The following CERS6 variants were observed in gnomAD, a reference collection of about 807,000 sequenced individuals.
The protein encoded by CERS6 is LAG1 homolog, ceramide synthase 6.
In CERS6, 26 loss-of-function variants were observed where a neutral mutation model predicts 56.8. That is an observed-to-expected ratio of 0.46 (90% CI 0.34 to 0.63). The LOEUF (loss-of-function observed/expected upper bound fraction) is 0.63. CERS6 is among the 30% of genes least tolerant of loss of function. The pLI is 0.01. For missense variants in CERS6, 415 were observed against 467.5 expected (o/e 0.89, Z 1.04); for synonymous variants, 164 against 173.3 (o/e 0.95, Z 0.42).
At chr2:168,738,683 A>T (rs1182284668) in intron 8 of CERS6, among the ~76,000 whole-genome samples, 1 of 152,200 alleles carries the variant, frequency 6.6e-6, no homozygotes, top group Non-Finnish European at 1.5e-5. Context: ...AGAAAATGTC[A>T]TGATTTTTTA....
chr2:168,735,871 A>G (rs1252446187), intron 8 of CERS6, among the ~76,000 whole-genome samples: 1 of 101,110 alleles, frequency 9.9e-6, no homozygotes, highest in African/African-American at 4.1e-5. Context: ...ACAGAAGGAG[A>G]CCCTGTCTCA....
chr2:168,622,934 T>C, intron 3 of CERS6, among the ~76,000 whole-genome samples: 1 of 152,242 alleles, frequency 6.6e-6, no homozygotes, highest in East Asian at 1.9e-4. Flanking sequence ...ATTTAGATTT[T>C]ATGTCAGAGT....
intron 8 of CERS6, among the ~76,000 whole-genome samples, chr2:168,729,423 A>G (rs1004828450): frequency 2.6e-5 from 4 of 152,120 alleles, no homozygotes; most frequent in Admixed American, 2.6e-4. Context: ...CTCACTTCCC[A>G]TCACCTCCCT....
At chr2:168,603,345 A>C (rs1683978710) in intron 3 of CERS6, among the ~76,000 whole-genome samples, 1 of 152,320 alleles carries the variant, frequency 6.6e-6, no homozygotes, top group Non-Finnish European at 1.5e-5. Context: ...TAAGTGAGGG[A>C]TCTGAAAGAG....
chr2:168,577,291 G>A (rs1433216021), intron 3 of CERS6, among the ~76,000 whole-genome samples: 1 of 152,176 alleles, frequency 6.6e-6, no homozygotes, highest in African/African-American at 2.4e-5. Flanking sequence ...GACATTCATC[G>A]TTGGCTGTGT....
chr2:168,642,479 G>A (rs879272103), intron 4 of CERS6, among the ~76,000 whole-genome samples: 3 of 152,188 alleles, frequency 2.0e-5, no homozygotes, highest in Admixed American at 2.0e-4. Flanking sequence ...GTGTGATCTG[G>A]TTAGTGAAGC....
rs375149776 is a variant in CERS6 at position 168,561,318 on chromosome 2, A to G, written c.403A>G (p.Ser135Gly). Reference protein sequence around the residue: ...KPSTLTRFCESMWRFSFYLYV... With the variant: ...KPSTLTRFCEGMWRFSFYLYV... ...AAGCACGCTGACGAGGTTCTGTGAGAGCATGTAAGTTGCTGTTTTTCTTTT... is the reference window on the plus strand; with the variant it reads ...AAGCACGCTGACGAGGTTCTGTGAGGGCATGTAAGTTGCTGTTTTTCTTTT... Residue 135 changes from serine (S) to glycine (G), a missense_variant, in exon 3 of 10, where the codon AGC becomes GGC. Ser to Gly is a moderately conservative substitution (Grantham distance 56). Transcript: ENST00000305747. 1.2e-6 allele frequency: 2 copies of G among 1,614,108 alleles called. No individual in the cohort carries two copies. The highest frequency in any genetic ancestry group is 2.2e-5 in the East Asian group (1 of 44,884).
intron 4 of CERS6, among the ~76,000 whole-genome samples, chr2:168,648,936 A>G (rs567426321): frequency 1.6e-4 from 24 of 152,274 alleles, no homozygotes; most frequent in South Asian, 1.2e-3. Context: ...AGTATGTGCT[A>G]TGTGATGATG....
chr2:168,548,409 A>G (rs1695505796), intron 2 of CERS6, among the ~76,000 whole-genome samples: 1 of 152,218 alleles, frequency 6.6e-6, no homozygotes, highest in Non-Finnish European at 1.5e-5. Context: ...GGGAGGAGAA[A>G]GCTGGAAGTC....
intron 2 of CERS6, among the ~76,000 whole-genome samples, chr2:168,559,445 G>T (rs970663812): frequency 6.6e-6 from 1 of 152,006 alleles, no homozygotes; most frequent in Non-Finnish European, 1.5e-5. Flanking sequence ...TCTTGGTGAA[G>T]GTCCTCTTCC....
intron 1 of CERS6, among the ~76,000 whole-genome samples, chr2:168,471,682 C>G (rs1319875178): frequency 6.6e-6 from 1 of 152,160 alleles, no homozygotes; most frequent in Non-Finnish European, 1.5e-5. Flanking sequence ...TTCCACTTGC[C>G]AGCCAATAAC....
chr2:168,516,668 A>G (rs1366808140), intron 1 of CERS6, among the ~76,000 whole-genome samples: 1 of 152,202 alleles, frequency 6.6e-6, no homozygotes, highest in Non-Finnish European at 1.5e-5. Flanking sequence ...CTGTTACGGT[A>G]AATATTCCCA....
intron 8 of CERS6, among the ~76,000 whole-genome samples, chr2:168,747,527 G>A (rs1684142667): frequency 1.3e-5 from 2 of 152,040 alleles, no homozygotes; most frequent in African/African-American, 4.8e-5. Context: ...TGACTTTGAA[G>A]GTAGAGAGTT....
Position 168,769,753 on chromosome 2 carries a change from C to A in CERS6, c.*91C>A. 7.4e-7 allele frequency: 1 copy of A among 1,349,310 alleles called. No homozygotes were observed. The highest frequency in any genetic ancestry group is 1.0e-6 in the Non-Finnish European group (1 of 962,702). The allele number at this position is 1,349,310 out of a possible 1,614,324, so 83.6% of individuals were successfully genotyped here. On this transcript the variant is annotated 3_prime_UTR_variant, in exon 10 of 10. Transcript: ENST00000305747. ...AAATGCAGTTCCTTTCATAATATCT[C>A]AGCACCAGAAACAAAAATTAAGATT... is the stretch of plus-strand genomic sequence containing the variant.
chr2:168,590,979 T>C (rs1236446633), intron 3 of CERS6, among the ~76,000 whole-genome samples: 1 of 152,362 alleles, frequency 6.6e-6, no homozygotes, highest in African/African-American at 2.4e-5. Context: ...TAACACCCCA[T>C]GTTAGTGCCA....
intron 3 of CERS6, among the ~76,000 whole-genome samples, chr2:168,607,197 C>G (rs937170531): frequency 6.6e-6 from 1 of 151,798 alleles, no homozygotes; most frequent in African/African-American, 2.4e-5. Context: ...CTTAGTTTTT[C>G]TTCTTGGTGC....
At position 168,754,482 on chromosome 2, in the gene CERS6, G is replaced by C. The variant is rs527781517; in HGVS notation, c.846-11110G>C. On this transcript the variant is annotated intron_variant, in intron 8 of 9. Coordinates refer to ENST00000305747, the MANE Select transcript of CERS6 (RefSeq NM_203463.3). ...GTCTCACAACCAGGCCTGCAGTGCA[G>C]ATGAGGTAAGGCCTACCTGAAGCTC... is the stretch of plus-strand genomic sequence containing the variant. Among the ~76,000 whole-genome samples the C allele has an allele frequency of 1.3e-3, 197 of 152,284 alleles. 1 individual carries two copies. The highest frequency in any genetic ancestry group is 4.5e-3 in the African/African-American group (186 of 41,552).
intron 3 of CERS6, among the ~76,000 whole-genome samples, chr2:168,602,903 G>T (rs1336935430): frequency 6.6e-6 from 1 of 152,180 alleles, no homozygotes; most frequent in Non-Finnish European, 1.5e-5. Context: ...TTCTTTGGGG[G>T]CACTGATGGA....
At chr2:168,593,419 G>T (rs1683722462) in intron 3 of CERS6, among the ~76,000 whole-genome samples, 1 of 152,186 alleles carries the variant, frequency 6.6e-6, no homozygotes, top group South Asian at 2.1e-4. Flanking sequence ...CAGTTTTCTT[G>T]ATTAATCCCG....
Sources: gnomAD v4.1 joint callset for allele counts (sites outside exome capture counted in the v4.1 genomes callset) on GRCh38, gnomAD v4.1.1 for gene constraint, MANE v1.5 for transcripts, NCBI Gene and HGNC (gene_info 2026-07-23, HGNC 2026-07-21) for gene names.